The following CPSF4 variants were observed in gnomAD, a reference collection of about 807,000 sequenced individuals.
CPSF4 encodes cleavage and polyadenylation specificity factor subunit 4.
CPSF4 carries 11 observed loss-of-function variants against 37.7 expected under a neutral mutation model. That is an observed-to-expected ratio of 0.29 (90% confidence interval 0.18 to 0.48). CPSF4 has a LOEUF of 0.48. Ranked by LOEUF, CPSF4 falls within the 20% of genes least tolerant of loss-of-function variation. The pLI is 0.99. For missense variants in CPSF4, 144 were observed against 359.5 expected (o/e 0.40, Z 4.85); for synonymous variants, 132 against 135.9 (o/e 0.97, Z 0.20).
At chr7:99,442,839 G>T in intron 1 of CPSF4, 2 of 947,870 alleles carry the variant, frequency 2.1e-6, no homozygotes, top group East Asian at 2.4e-5. Context: ...AAGAATGAGA[G>T]AAGTGGAAAA....
intron 1 of CPSF4, chr7:99,443,196 C>T (rs1797177830): frequency 1.3e-6 from 1 of 781,666 alleles, no homozygotes; most frequent in Admixed American, 1.7e-5. Flanking sequence ...TTGTTCGGCC[C>T]TCTTCTGCAT....
chr7:99,456,048 C>A (rs113698216), intron 7 of CPSF4, among the ~76,000 whole-genome samples: 1 of 152,218 alleles, frequency 6.6e-6, no homozygotes, highest in South Asian at 2.1e-4. Context: ...GGTCCCCAGA[C>A]GGGGTGGCGG....
At chr7:99,440,249 C>T (rs1318749486) in intron 1 of CPSF4, among the ~76,000 whole-genome samples, 1 of 152,114 alleles carries the variant, frequency 6.6e-6, no homozygotes, top group African/African-American at 2.4e-5. Flanking sequence ...CAACTACCAG[C>T]GGGGTCTCCC....
chr7:99,443,589 G>A (rs1043937711), intron 1 of CPSF4: 16 of 549,934 alleles, frequency 2.9e-5, no homozygotes, highest in Middle Eastern at 1.0e-3. Context: ...CAAGGCAGGC[G>A]GATCACGAGG....
At chr7:99,454,701 C>A (rs1021492183) in intron 7 of CPSF4, among the ~76,000 whole-genome samples, 1 of 152,182 alleles carries the variant, frequency 6.6e-6, no homozygotes, top group Admixed American at 6.5e-5. Context: ...TTATGTGAGT[C>A]TAGGCCTGTA....
chr7:99,441,081 G>C (rs1316366685), intron 1 of CPSF4, among the ~76,000 whole-genome samples: 1 of 151,330 alleles, frequency 6.6e-6, no homozygotes, highest in Non-Finnish European at 1.5e-5. Context: ...CTCCTGAGTA[G>C]CTGGGATTAT....
intron 2 of CPSF4, chr7:99,447,708 G>A: frequency 2.5e-6 from 1 of 394,046 alleles, no homozygotes; most frequent in Non-Finnish European, 5.3e-6. Context: ...TCCTGCCTCA[G>A]CCTCCCGAGT....
rs1161172292 is a variant in CPSF4 at position 99,457,084 on chromosome 7, T to C, written c.*584T>C. ...AGGGCTCTCAAGCCTGAGGTTTTCT[T>C]CTCTGGGCTTAATTTTCTCTTGGGG... On this transcript the variant is annotated 3_prime_UTR_variant, in exon 8 of 8. Coordinates refer to ENST00000292476, the MANE Select transcript of CPSF4 (RefSeq NM_006693.4). 1 of 182,164 alleles carries C rather than the reference T, an allele frequency of 5.5e-6. No individual in the cohort carries two copies. The highest frequency in any genetic ancestry group is 1.2e-5 in the Non-Finnish European group (1 of 84,124). The allele number at this position is 182,164 out of a possible 1,614,324, so 11.3% of individuals were successfully genotyped here.
At chr7:99,452,279 G>T in intron 5 of CPSF4, 89 bp from the exon 6 acceptor site, 1 of 1,131,516 alleles carries the variant, frequency 8.8e-7, no homozygotes. Flanking sequence ...TCCTAGGGCT[G>T]GAATTTAAGA....
rs1798103908 is a variant in CPSF4, at chr7:99,453,867, GTT to G, written c.571-97_571-96del. The G allele has an allele frequency of 2.5e-6, 3 of 1,177,830 alleles. No homozygotes were observed. The African/African-American group carries it at 4.6e-5, about 18-fold the overall frequency. 73.0% of individuals were successfully genotyped at this position (1,177,830 alleles called of 1,614,324 possible). ...CGTCGTGGAAGCCCTGCTTCCTGCC[GTT>G]TGCGGGACGAGTCCCGCCCTCTTTT... On this transcript the variant is annotated intron_variant, in intron 6 of 7. Coordinates refer to ENST00000292476, the MANE Select transcript of CPSF4 (RefSeq NM_006693.4). The surrounding 1 kb of genome is among the most constrained non-coding windows in gnomAD (Gnocchi z 4.7).
At chr7:99,445,124 C>G (rs1228231189) in intron 2 of CPSF4, among the ~76,000 whole-genome samples, 1 of 152,244 alleles carries the variant, frequency 6.6e-6, no homozygotes, top group African/African-American at 2.4e-5. Flanking sequence ...TTGAGACACT[C>G]AGGAACTTTC....
chr7:99,454,124 C>T lies in CPSF4; in HGVS notation c.729C>T (p.Val243=), dbSNP rs938730691. ...GNRGPRPLEQ[V]TCYKCGEKGH... The stretch of plus-strand genomic sequence containing the variant: ...GGGGACCCCGGCCACTGGAGCAGGT[C>T]ACCTGTTACAAGGTGAGTCCCTGGG... Residue 243 remains valine, a synonymous_variant, in exon 7 of 8, where the codon GTC becomes GTT. Transcript: ENST00000292476. 1.2e-6 allele frequency: 2 copies of T among 1,613,548 alleles called. No individual in the cohort carries two copies. The highest frequency in any genetic ancestry group is 2.7e-5 in the African/African-American group (2 of 74,952).
At chr7:99,451,381 C>T (rs1283272118) in intron 5 of CPSF4, among the ~76,000 whole-genome samples, 3 of 152,112 alleles carry the variant, frequency 2.0e-5, no homozygotes, top group Non-Finnish European at 4.4e-5. Flanking sequence ...CAGAGGAAGG[C>T]GGATCACGAG....
Position 99,456,049 on chromosome 7 carries a change from G to A in CPSF4, c.742-383G>A, listed in dbSNP as rs189242494. The stretch of plus-strand genomic sequence containing the variant: ...GTGCAGAAGGGCTTGGTCCCCAGAC[G>A]GGGTGGCGGAGCTCAGGTGCCACGG... On this transcript the variant is annotated intron_variant, in intron 7 of 7. Transcript: ENST00000292476. Among the ~76,000 whole-genome samples the A allele has an allele frequency of 5.9e-5, 9 of 152,356 alleles. No homozygotes were observed. The East Asian group carries it at 1.2e-3, about 20-fold the overall frequency.
chr7:99,445,757 G>A (rs543045174), intron 2 of CPSF4, among the ~76,000 whole-genome samples: 8 of 152,220 alleles, frequency 5.3e-5, no homozygotes, highest in South Asian at 4.2e-4. Context: ...GGTGACGCCC[G>A]TCTGTAATCC....
At chr7:99,447,918 C>T in intron 2 of CPSF4, 1 of 620,794 alleles carries the variant, frequency 1.6e-6, no homozygotes, top group South Asian at 1.7e-5. Flanking sequence ...CCATGAGTAA[C>T]TATTAAAATG....
At position 99,439,204 on chromosome 7, in the gene CPSF4, C is replaced by T. The variant is rs567824744; in HGVS notation, c.103+19C>T. 336 of 1,540,106 alleles carry T rather than the reference C, an allele frequency of 2.2e-4. No homozygotes were observed. Among genetic ancestry groups the T allele is most frequent in the Non-Finnish European group, 2.6e-4 (299 of 1,136,050 alleles). ...ATGGACAGTGAGCGCGGGGCCCGGG[C>T]GGGAGGGCAAGAGCGACTCGAACCC... On this transcript the variant is annotated intron_variant, in intron 1 of 7. Coordinates refer to ENST00000292476, the MANE Select transcript of CPSF4 (RefSeq NM_006693.4).
In CPSF4 at chr7:99,438,954, G is replaced by A; in HGVS notation, c.-129G>A. ...CTCCGGGCGCTCCCGGCATCCCTCG[G>A]GCGGCGGCGGCGGCGGCGGCGAGGC... On this transcript the variant is annotated 5_prime_UTR_variant, in exon 1 of 8. Coordinates refer to ENST00000292476, the MANE Select transcript of CPSF4 (RefSeq NM_006693.4). The A allele has an allele frequency of 8.2e-7, 1 of 1,221,844 alleles. No individual in the cohort carries two copies. 75.7% of individuals were successfully genotyped at this position (1,221,844 alleles called of 1,614,324 possible).
At position 99,453,838 on chromosome 7, in the gene CPSF4, G is replaced by A. The variant is rs750325495; in HGVS notation, c.571-128G>A. 67 of 799,914 alleles carry A rather than the reference G, an allele frequency of 8.4e-5. No homozygotes were observed. Among genetic ancestry groups the A allele is most frequent in the Non-Finnish European group, 1.3e-4 (64 of 483,976 alleles). 49.6% of individuals were successfully genotyped at this position (799,914 alleles called of 1,614,324 possible). On this transcript the variant is annotated intron_variant, in intron 6 of 7. Transcript: ENST00000292476. The surrounding 1 kb of genome is among the most constrained non-coding windows in gnomAD (Gnocchi z 4.7). ...TCTCTGCTGCCCACTGTCCTGAGGT[G>A]GGCCGTCGTGGAAGCCCTGCTTCCT...
Sources: allele counts gnomAD v4.1 joint callset (sites outside exome capture counted in the v4.1 genomes callset), GRCh38; gene constraint gnomAD v4.1.1; non-coding constraint Gnocchi (gnomAD v3.1); transcripts MANE v1.5; gene names NCBI Gene and HGNC (gene_info 2026-07-23, HGNC 2026-07-21).